The following ZHX3 variants were observed in gnomAD, a reference collection of about 807,000 sequenced individuals.
The protein encoded by ZHX3 is zinc fingers and homeoboxes protein 3.
ZHX3 carries 20 observed loss-of-function variants against 64.5 expected under a neutral mutation model. That is an observed-to-expected ratio of 0.31 (90% CI 0.22 to 0.45). ZHX3 has a LOEUF of 0.45. ZHX3 is among the 20% of genes least tolerant of loss of function. The pLI is 1.00. For synonymous variants in ZHX3, 423 were observed against 461.6 expected, an observed-to-expected ratio of 0.92 and a Z score of 1.07; for missense variants, 1,041 against 1,195.8, an observed-to-expected ratio of 0.87 and a Z score of 1.91.
In ZHX3 at chr20:41,202,035, A is replaced by G. The variant is rs752912570; in HGVS notation, c.2860+22T>C. 5.1e-6 allele frequency: 8 copies of G among 1,565,200 alleles called. No homozygotes were observed. The highest frequency in any genetic ancestry group is 1.4e-5 in the African/African-American group (1 of 73,812). On this transcript the variant is annotated intron_variant, in intron 3 of 3. Coordinates refer to ENST00000683867, the MANE Select transcript of ZHX3 (RefSeq NM_001384317.1). The surrounding 1 kb of genome is among the most constrained non-coding windows in gnomAD (Gnocchi z 7.0). Reference sequence around the variant, plus strand: ...CTCCCCTTACCCACACAGGATAGCCATGGCCCCTGTGGACTCCTTACCGAG... The same window carrying G: ...CTCCCCTTACCCACACAGGATAGCCGTGGCCCCTGTGGACTCCTTACCGAG...
intron 1 of ZHX3, among the ~76,000 whole-genome samples, chr20:41,297,020 T>A (rs1251491641): frequency 6.6e-6 from 1 of 152,176 alleles, no homozygotes; most frequent in South Asian, 2.1e-4. Context: ...TTTCTCTACA[T>A]CCTGCCCATA....
At chr20:41,307,109 C>T (rs965314851) in intron 1 of ZHX3, among the ~76,000 whole-genome samples, 1 of 152,190 alleles carries the variant, frequency 6.6e-6, no homozygotes, top group African/African-American at 2.4e-5. Flanking sequence ...AGCCCAGGAA[C>T]CAAGTGTGCA....
At chr20:41,313,747 G>C (rs1050472418) in intron 1 of ZHX3, among the ~76,000 whole-genome samples, 2 of 152,086 alleles carry the variant, frequency 1.3e-5, no homozygotes, top group Non-Finnish European at 1.5e-5. Context: ...ACAGGCGCCC[G>C]CCAACACACC....
At position 41,310,103 on chromosome 20, in the gene ZHX3, A is replaced by G. The variant is rs114168004; in HGVS notation, c.-245+7406T>C. 3.6e-3 allele frequency among the ~76,000 whole-genome samples: 547 copies of G among 152,230 alleles called. 5 individuals are homozygous for G. Among genetic ancestry groups the G allele is most frequent in the African/African-American group, 0.013 (523 of 41,534 alleles). Reference sequence around the variant, plus strand: ...CTATCACGTTAGTCACCCCCTGGCCAATATCCCAGTTCCTCTGCTCCACTG... The same window carrying G: ...CTATCACGTTAGTCACCCCCTGGCCGATATCCCAGTTCCTCTGCTCCACTG... On this transcript the variant is annotated intron_variant, in intron 1 of 3. Transcript: ENST00000683867.
intron 1 of ZHX3, among the ~76,000 whole-genome samples, chr20:41,274,873 G>A (rs2043308199): frequency 8.8e-6 from 1 of 114,052 alleles, no homozygotes; most frequent in Admixed American, 8.6e-5. Context: ...GAATCAAACT[G>A]GGCCAGGTGC....
intron 2 of ZHX3, among the ~76,000 whole-genome samples, chr20:41,255,233 G>A (rs564070073): frequency 1.3e-5 from 2 of 152,058 alleles, no homozygotes; most frequent in African/African-American, 4.8e-5. Flanking sequence ...CTCACTGCAA[G>A]CTCCGCCTCC....
At chr20:41,217,378 T>C (rs1396459484) in intron 2 of ZHX3, among the ~76,000 whole-genome samples, 4 of 152,184 alleles carry the variant, frequency 2.6e-5, no homozygotes, top group Non-Finnish European at 4.4e-5. Context: ...GGCTCATATA[T>C]ATGCTCTTAT....
intron 1 of ZHX3, among the ~76,000 whole-genome samples, chr20:41,282,189 G>A (rs964829882): frequency 1.3e-5 from 2 of 152,088 alleles, no homozygotes; most frequent in Admixed American, 1.3e-4. Flanking sequence ...GCTTGAGCTC[G>A]AGACTAATTT....
intron 1 of ZHX3, among the ~76,000 whole-genome samples, chr20:41,279,268 C>T (rs2043548588): frequency 6.6e-6 from 1 of 152,134 alleles, no homozygotes; most frequent in South Asian, 2.1e-4. Flanking sequence ...TATACTTTTA[C>T]ATCCTTGTTA....
At chr20:41,256,785 AC>A (rs1280483063) in intron 2 of ZHX3, among the ~76,000 whole-genome samples, 1 of 151,582 alleles carries the variant, frequency 6.6e-6, no homozygotes, top group East Asian at 1.9e-4. Context: ...GTCCCTTTGC[AC>A]CATTCTTCAT....
intron 1 of ZHX3, among the ~76,000 whole-genome samples, chr20:41,296,919 T>C (rs368161130): frequency 6.6e-6 from 1 of 152,188 alleles, no homozygotes; most frequent in African/African-American, 2.4e-5. Context: ...ACTACTTTCA[T>C]CCATTTTCAT....
intron 2 of ZHX3, among the ~76,000 whole-genome samples, chr20:41,260,662 C>T (rs1466364968): frequency 6.6e-6 from 1 of 152,186 alleles, no homozygotes; most frequent in Non-Finnish European, 1.5e-5. Flanking sequence ...CCATTTTTCC[C>T]TAGAACAGTA....
intron 2 of ZHX3, among the ~76,000 whole-genome samples, chr20:41,268,750 G>A (rs1449724724): frequency 2.6e-5 from 4 of 152,098 alleles, no homozygotes; most frequent in African/African-American, 4.8e-5. Context: ...CCTATCAGAT[G>A]ATCAAAGAAA....
chr20:41,241,586 C>T (rs934804802), intron 2 of ZHX3, among the ~76,000 whole-genome samples: 2 of 151,940 alleles, frequency 1.3e-5, no homozygotes, highest in African/African-American at 4.8e-5. Context: ...TCTTTGCCCA[C>T]TTCTGTTTCA....
chr20:41,294,201 T>C (rs2044387400), intron 1 of ZHX3, among the ~76,000 whole-genome samples: 1 of 152,200 alleles, frequency 6.6e-6, no homozygotes, highest in Non-Finnish European at 1.5e-5. Context: ...TCAATGACAT[T>C]AATCCAAGAT....
At chr20:41,223,583 G>A (rs552825639) in intron 2 of ZHX3, among the ~76,000 whole-genome samples, 18 of 152,270 alleles carry the variant, frequency 1.2e-4, no homozygotes, top group Non-Finnish European at 2.2e-4. Flanking sequence ...AAAATTATAC[G>A]CTAGAAATAC....
chr20:41,299,766 G>A (rs1466018214), intron 1 of ZHX3, among the ~76,000 whole-genome samples: 5 of 151,368 alleles, frequency 3.3e-5, no homozygotes, highest in Non-Finnish European at 7.4e-5. Flanking sequence ...GGAGGCTGAG[G>A]CAGGAGAATC....
chr20:41,190,090 T>C (rs2036879960), intron 3 of ZHX3, among the ~76,000 whole-genome samples: 1 of 152,212 alleles, frequency 6.6e-6, no homozygotes, highest in Admixed American at 6.5e-5. Context: ...TTGCTCTTCA[T>C]TCTGTTGATG....
chr20:41,262,547 C>T (rs575961574), intron 2 of ZHX3, among the ~76,000 whole-genome samples: 2 of 152,332 alleles, frequency 1.3e-5, no homozygotes, highest in South Asian at 2.1e-4. Context: ...CACTCCCTCT[C>T]TCTTTCTCTC....
Sources: allele counts gnomAD v4.1 joint callset (sites outside exome capture counted in the v4.1 genomes callset), GRCh38; gene constraint gnomAD v4.1.1; non-coding constraint Gnocchi (gnomAD v3.1); transcripts MANE v1.5; gene names NCBI Gene and HGNC (gene_info 2026-07-23, HGNC 2026-07-21).